Variants in UBE2E2 observed in about 807,000 individuals in gnomAD.
UBE2E2 encodes the protein ubiquitin-conjugating enzyme E2 E2.
Under a neutral mutation model 24.7 loss-of-function variants are expected in UBE2E2, and 6 were observed. That is an observed-to-expected ratio of 0.24 (90% confidence interval 0.13 to 0.48). The LOEUF is 0.48. UBE2E2 is among the 20% of genes least tolerant of loss of function. UBE2E2 has a pLI of 0.99. For missense variants in UBE2E2, 169 were observed against 245.0 expected (o/e 0.69, Z 2.07); for synonymous variants, 104 against 83.6 (o/e 1.24, Z -1.33).
intron 3 of UBE2E2, among the ~76,000 whole-genome samples, chr3:23,418,842 G>A (rs952172033): frequency 6.6e-6 from 1 of 152,110 alleles, no homozygotes; most frequent in African/African-American, 2.4e-5. Context: ...AAGTTATGCT[G>A]TTACTTTGCA....
intron 3 of UBE2E2, among the ~76,000 whole-genome samples, chr3:23,218,692 C>T (rs888732848): frequency 1.2e-4 from 18 of 152,076 alleles, no homozygotes; most frequent in African/African-American, 3.9e-4. Flanking sequence ...GCAAAATAAA[C>T]AACTTTGTTT....
At chr3:23,348,741 T>C (rs1381235772) in intron 3 of UBE2E2, among the ~76,000 whole-genome samples, 1 of 152,056 alleles carries the variant, frequency 6.6e-6, no homozygotes, top group Non-Finnish European at 1.5e-5. Flanking sequence ...TGAAACAAAA[T>C]AGAACTTTCA....
chr3:23,402,363 C>T (rs148152816), intron 3 of UBE2E2, among the ~76,000 whole-genome samples: 67 of 152,134 alleles, frequency 4.4e-4, no homozygotes, highest in East Asian at 1.2e-3. Context: ...ATAAGTTTGC[C>T]GGAGGAAGTA....
chr3:23,496,281 G>A (rs1303624830), intron 3 of UBE2E2, among the ~76,000 whole-genome samples: 6 of 152,040 alleles, frequency 3.9e-5, no homozygotes, highest in East Asian at 3.9e-4. Context: ...ATGTAATAAC[G>A]TATCTAACAC....
chr3:23,545,586 A>G (rs539448165), intron 5 of UBE2E2, among the ~76,000 whole-genome samples: 1 of 152,184 alleles, frequency 6.6e-6, no homozygotes, highest in Non-Finnish European at 1.5e-5. Context: ...ACTTCTTTCT[A>G]CACAGACACA....
intron 5 of UBE2E2, among the ~76,000 whole-genome samples, chr3:23,588,245 G>C (rs1475645607): frequency 6.6e-6 from 1 of 152,026 alleles, no homozygotes; most frequent in Non-Finnish European, 1.5e-5. Context: ...CTCCTTACCT[G>C]ACTGCTCTAA....
At chr3:23,582,743 G>A (rs1696512985) in intron 5 of UBE2E2, among the ~76,000 whole-genome samples, 1 of 151,986 alleles carries the variant, frequency 6.6e-6, no homozygotes, top group Non-Finnish European at 1.5e-5. Context: ...TTTTAATGGG[G>A]TTCGTTTTTT....
chr3:23,574,243 G>C (rs1253847473), intron 5 of UBE2E2, among the ~76,000 whole-genome samples: 1 of 152,180 alleles, frequency 6.6e-6, no homozygotes, highest in African/African-American at 2.4e-5. Context: ...GTTGGTGTCA[G>C]AGGGAGGGAA....
At chr3:23,259,769 A>G (rs1158313050) in intron 3 of UBE2E2, among the ~76,000 whole-genome samples, 1 of 152,226 alleles carries the variant, frequency 6.6e-6, no homozygotes, top group African/African-American at 2.4e-5. Context: ...ACTTCAGTGT[A>G]AGATTTTAAG....
intron 3 of UBE2E2, among the ~76,000 whole-genome samples, chr3:23,449,403 A>G (rs561107668): frequency 3.2e-4 from 48 of 152,238 alleles, no homozygotes; most frequent in Non-Finnish European, 5.3e-4. Context: ...AAGTAACTGG[A>G]TGGAATTTAA....
intron 1 of UBE2E2, among the ~76,000 whole-genome samples, chr3:23,208,356 T>C (rs922338896): frequency 6.6e-6 from 1 of 152,224 alleles, no homozygotes; most frequent in Non-Finnish European, 1.5e-5. Flanking sequence ...CATTCTTTTT[T>C]ATGGCTAACA....
chr3:23,589,997 GCCCCCC>G lies in UBE2E2; in HGVS notation c.*167_*172del. 1 of 562,236 alleles carries G rather than the reference GCCCCCC, an allele frequency of 1.8e-6. No individual in the cohort carries two copies. Among genetic ancestry groups the G allele is most frequent in the South Asian group, 3.0e-5 (1 of 33,512 alleles). 34.8% of individuals were successfully genotyped at this position (562,236 alleles called of 1,614,324 possible). A position where few individuals can be genotyped will look rare whatever the true frequency, so the allele number is the denominator to read the frequency against. On this transcript the variant is annotated 3_prime_UTR_variant, in exon 6 of 6. Transcript: ENST00000396703. The surrounding 1 kb of genome is among the most constrained non-coding windows in gnomAD (Gnocchi z 4.1). ...CCATCTTCCCATCCCAGTTCTTCCT[GCCCCCC>G]TTCCTCTCTCCCACGCTCTCTTTTA...
intron 3 of UBE2E2, among the ~76,000 whole-genome samples, chr3:23,345,995 A>G (rs1353236060): frequency 1.3e-5 from 2 of 152,160 alleles, no homozygotes; most frequent in Admixed American, 1.3e-4. Flanking sequence ...TGCTGATCTA[A>G]TCAATCATGG....
At chr3:23,252,873 A>T (rs1697612790) in intron 3 of UBE2E2, among the ~76,000 whole-genome samples, 1 of 152,230 alleles carries the variant, frequency 6.6e-6, no homozygotes, top group Non-Finnish European at 1.5e-5. Context: ...TTGCCTTGTC[A>T]TTCATTATGG....
chr3:23,517,217 C>A (rs1694762619), intron 4 of UBE2E2, among the ~76,000 whole-genome samples: 1 of 152,024 alleles, frequency 6.6e-6, no homozygotes, highest in South Asian at 2.1e-4. Flanking sequence ...TCTGGAATTT[C>A]TATGAGTTTT....
intron 3 of UBE2E2, among the ~76,000 whole-genome samples, chr3:23,476,950 T>G (rs1200389203): frequency 6.6e-6 from 1 of 152,154 alleles, no homozygotes; most frequent in East Asian, 1.9e-4. Flanking sequence ...GTTAAGTTCC[T>G]TATTGTTTCT....
chr3:23,456,476 T>C (rs554986264), intron 3 of UBE2E2, among the ~76,000 whole-genome samples: 61 of 152,330 alleles, frequency 4.0e-4, no homozygotes, highest in Non-Finnish European at 6.3e-4. Flanking sequence ...ATAATAACAC[T>C]TGAAAGTCAA....
intron 3 of UBE2E2, among the ~76,000 whole-genome samples, chr3:23,442,970 G>A (rs565387224): frequency 6.6e-6 from 1 of 152,082 alleles, no homozygotes; most frequent in African/African-American, 2.4e-5. Flanking sequence ...AAAATTAACA[G>A]CTTGTATATT....
At chr3:23,250,797 T>C (rs1697554161) in intron 3 of UBE2E2, among the ~76,000 whole-genome samples, 1 of 152,206 alleles carries the variant, frequency 6.6e-6, no homozygotes, top group Admixed American at 6.5e-5. Flanking sequence ...TCACTTCAAT[T>C]ATAGTAACTT....
Sources: gnomAD v4.1 joint callset for allele counts (sites outside exome capture counted in the v4.1 genomes callset) on GRCh38, gnomAD v4.1.1 for gene constraint, Gnocchi (gnomAD v3.1) non-coding constraint, MANE v1.5 for transcripts, NCBI Gene and HGNC (gene_info 2026-07-23, HGNC 2026-07-21) for gene names.